The following PCDHA5 variants were observed in gnomAD, a reference collection of about 807,000 sequenced individuals.
PCDHA5 encodes protocadherin alpha 5, also known as protocadherin alpha-5.
PCDHA5 carries 43 observed loss-of-function variants against 61.6 expected under a neutral mutation model. That is an observed-to-expected ratio of 0.70 (90% confidence interval 0.55 to 0.90). The LOEUF (loss-of-function observed/expected upper bound fraction) is 0.90, where lower values mean the gene tolerates loss of function less well. Ranked by LOEUF, PCDHA5 falls within the 40% of genes least tolerant of loss-of-function variation. The probability of loss-of-function intolerance (pLI) is 0.00; values close to 1 mark genes in which losing one functional copy is unlikely to be tolerated. For synonymous variants in PCDHA5, 627 were observed against 543.9 expected, an observed-to-expected ratio of 1.15 and a Z score of -2.13; for missense variants, 1,298 against 1,222.7, an observed-to-expected ratio of 1.06 and a Z score of -0.92.
chr5:140,971,040 A>G (rs1554232989), intron 1 of PCDHA5, among the ~76,000 whole-genome samples: 2 of 152,194 alleles, frequency 1.3e-5, no homozygotes, highest in Non-Finnish European at 2.9e-5. Flanking sequence ...AAGCACGTAA[A>G]AGGGTTTAGC....
rs138948867 is a variant in PCDHA5 at position 140,849,674 on chromosome 5, C to T, written c.2352+25547C>T. 1.4e-4 allele frequency: 225 copies of T among 1,598,712 alleles called. 14 individuals carry two copies. The African/African-American group carries it at 2.2e-3, about 16-fold the overall frequency. On this transcript the variant is annotated intron_variant, in intron 1 of 3. Coordinates refer to ENST00000529859, the MANE Select transcript of PCDHA5 (RefSeq NM_018908.3). The stretch of plus-strand genomic sequence containing the variant: ...TTACCTGCTCCCTGACGCCCCACGT[C>T]CCCTTCAAGCTGGTGTCCACCTACA...
chr5:140,899,551 GC>G (rs1220661801), intron 1 of PCDHA5, among the ~76,000 whole-genome samples: 12 of 152,288 alleles, frequency 7.9e-5, no homozygotes, highest in Middle Eastern at 6.8e-3. Context: ...TGGTGGATAA[GC>G]TTTTTGATGT....
chr5:141,002,681 C>T (rs556518008), intron 3 of PCDHA5, among the ~76,000 whole-genome samples: 32 of 152,154 alleles, frequency 2.1e-4, no homozygotes, highest in Non-Finnish European at 4.0e-4. Context: ...ACCTATACGA[C>T]GTGCAGATTT....
Position 140,996,044 on chromosome 5 carries a change from A to G in PCDHA5, c.2500+13481A>G, listed in dbSNP as rs569475149. Among the ~76,000 whole-genome samples, 13 of 152,366 alleles carry G rather than the reference A, an allele frequency of 8.5e-5. No homozygotes were observed. The South Asian group carries it at 1.9e-3, about 22-fold the overall frequency. Reference sequence around the variant, plus strand: ...GTTTAATGCTCCTAGCACTTAACACAGTGCTTGGCACACAGTAAAGAGGAT... The same window carrying G: ...GTTTAATGCTCCTAGCACTTAACACGGTGCTTGGCACACAGTAAAGAGGAT... On this transcript the variant is annotated intron_variant, in intron 3 of 3. Coordinates refer to ENST00000529859, the MANE Select transcript of PCDHA5 (RefSeq NM_018908.3).
chr5:140,975,964 T>C (rs1554237162), intron 1 of PCDHA5, among the ~76,000 whole-genome samples: 2 of 152,218 alleles, frequency 1.3e-5, no homozygotes, highest in South Asian at 2.1e-4. Flanking sequence ...TCTTCACCAA[T>C]AGAAAGTAAG....
intron 3 of PCDHA5, among the ~76,000 whole-genome samples, chr5:140,989,845 T>C (rs1180098230): frequency 2.6e-5 from 4 of 152,118 alleles, no homozygotes; most frequent in Non-Finnish European, 5.9e-5. Flanking sequence ...AATGAGTGTG[T>C]GGACTGGAGA....
intron 1 of PCDHA5, chr5:140,859,610 T>C (rs2045934130): frequency 6.2e-6 from 1 of 161,780 alleles, no homozygotes; most frequent in African/African-American, 2.4e-5. Context: ...CTTTTTTCTT[T>C]CCTTTCTCTT....
At chr5:140,857,662 TGGG>T (rs782196034) in intron 1 of PCDHA5, 1 of 1,596,528 alleles carries the variant, frequency 6.3e-7, no homozygotes. Context: ...GCGCGCGCGA[TGGG>T]GGCGTGCCGC....
intron 1 of PCDHA5, chr5:140,850,825 C>T (rs2150499781): frequency 5.0e-6 from 8 of 1,598,102 alleles, no homozygotes; most frequent in African/African-American, 2.7e-5. Context: ...CCGGGCCTTT[C>T]TCCTTGTGCT....
At chr5:140,850,367 GGGGCTGT>G (rs1332786840) in intron 1 of PCDHA5, 1 of 1,597,800 alleles carries the variant, frequency 6.3e-7, no homozygotes, top group Non-Finnish European at 8.6e-7. Context: ...CGTTCCGCGT[GGGGCTGT>G]ACACGGGCGA....
intron 2 of PCDHA5, among the ~76,000 whole-genome samples, chr5:140,982,016 A>C (rs2096962660): frequency 6.6e-6 from 1 of 152,260 alleles, no homozygotes; most frequent in African/African-American, 2.4e-5. Context: ...TTAGATAGCC[A>C]AATTGGAACA....
At chr5:140,896,599 A>G (rs1247154870) in intron 1 of PCDHA5, among the ~76,000 whole-genome samples, 1 of 151,478 alleles carries the variant, frequency 6.6e-6, no homozygotes, top group African/African-American at 2.4e-5. Context: ...CTGGTCTCGA[A>G]CTCCTGGTCT....
chr5:140,870,704 T>C (rs782770549), intron 1 of PCDHA5: 1 of 1,612,984 alleles, frequency 6.2e-7, no homozygotes, highest in Non-Finnish European at 8.5e-7. Flanking sequence ...CAGTTCCAGG[T>C]GAGCGCGCGC....
rs139136006 is a variant in PCDHA5, at chr5:140,821,814, C to A, written c.39C>A (p.Leu13=). ...YSRRGSLGSR[L]LLLWLLLAYW... ...GGAGAGGAAGTCTGGGATCCCGGCT[C>A]CTGCTGCTCTGGCTTCTCCTTGCCT... The change falls in exon 1 of 4, where the codon CTC becomes CTA. Residue 13 remains leucine, a synonymous_variant. Coordinates refer to ENST00000529859, the MANE Select transcript of PCDHA5 (RefSeq NM_018908.3). The A allele has an allele frequency of 5.7e-5, 92 of 1,613,758 alleles. No homozygotes were observed. The highest frequency in any genetic ancestry group is 7.6e-5 in the Non-Finnish European group (90 of 1,179,894).
chr5:140,977,925 A>T (rs782072280), intron 1 of PCDHA5, among the ~76,000 whole-genome samples: 4 of 152,152 alleles, frequency 2.6e-5, no homozygotes, highest in African/African-American at 7.2e-5. Context: ...TTTTCATTCA[A>T]CTATACCTCA....
At chr5:140,848,473 TAGA>T in intron 1 of PCDHA5, 2 of 1,556,440 alleles carry the variant, frequency 1.3e-6, no homozygotes, top group Non-Finnish European at 8.7e-7. Context: ...TTTCACTAAT[TAGA>T]AGAAGACTGA....
At chr5:140,833,460 T>C (rs1440945863) in intron 1 of PCDHA5, among the ~76,000 whole-genome samples, 2 of 152,148 alleles carry the variant, frequency 1.3e-5, no homozygotes, top group Non-Finnish European at 2.9e-5. Context: ...AAAATAAACT[T>C]ACATTTTAAA....
In PCDHA5 at chr5:140,970,874, G is replaced by A. The variant is rs191123160; in HGVS notation, c.2353-8075G>A. On this transcript the variant is annotated intron_variant, in intron 1 of 3. Coordinates refer to ENST00000529859, the MANE Select transcript of PCDHA5 (RefSeq NM_018908.3). ...AAAGTTCCATTCCTGATTGAGAGTA[G>A]ATTTTTCTCATGGACATTTCAGATA... Among the ~76,000 whole-genome samples the A allele has an allele frequency of 1.6e-4, 24 of 152,250 alleles. No individual in the cohort carries two copies. The East Asian group carries it at 2.7e-3, about 17-fold the overall frequency.
At chr5:140,979,820 T>A (rs937223402) in intron 2 of PCDHA5, among the ~76,000 whole-genome samples, 19 of 152,198 alleles carry the variant, frequency 1.2e-4, no homozygotes, top group African/African-American at 4.6e-4. Context: ...AGGATTTAAT[T>A]TTAAAGAAGA....
Sources: allele counts gnomAD v4.1 joint callset (sites outside exome capture counted in the v4.1 genomes callset), GRCh38; gene constraint gnomAD v4.1.1; transcripts MANE v1.5; gene names NCBI Gene and HGNC (gene_info 2026-07-23, HGNC 2026-07-21).